CNDP1: variants seen among roughly 807,000 people sequenced by gnomAD.
CNDP1 encodes the protein beta-Ala-His dipeptidase.
In CNDP1, 44 loss-of-function variants were observed where a neutral mutation model predicts 58.1. The observed-to-expected ratio is 0.76, with a 90% CI of 0.60 to 0.97. The LOEUF (loss-of-function observed/expected upper bound fraction) is 0.97, where lower values mean the gene tolerates loss of function less well. Ranked by LOEUF, CNDP1 falls within the 50% of genes least tolerant of loss-of-function variation. The pLI is 0.00. For missense variants in CNDP1, 616 were observed against 655.1 expected (o/e 0.94, Z 0.65); for synonymous variants, 254 against 252.6 (o/e 1.01, Z -0.05).
Position 74,571,262 on chromosome 18 carries a change from C to G in CNDP1, c.833C>G (p.Ala278Gly). The change falls in exon 7 of 12, where the codon GCT (alanine) becomes GGT (glycine). Residue 278 changes from alanine (A) to glycine (G), a missense_variant. Transcript: ENST00000358821. The part of the protein sequence containing the change: ...ILHEPMADLV[A>G]LLGSLVDSSG... ...CATGAACCAATGGCTGATCTGGTTG[C>G]TCTTCTCGGTAATGCCTTATTTTGT... 1 of 1,608,364 alleles carries G rather than the reference C, an allele frequency of 6.2e-7. No individual in the cohort carries two copies. Among genetic ancestry groups the G allele is most frequent in the Non-Finnish European group, 8.5e-7 (1 of 1,174,860 alleles).
In CNDP1 at chr18:74,569,615, T is replaced by C. The variant is rs139812218; in HGVS notation, c.757-1571T>C. ...TTAAATTAGCGTGAGCACCGCATGG[T>C]CAGAGATAACCAGGTCCACACATGT... On this transcript the variant is annotated intron_variant, in intron 6 of 11. Coordinates refer to ENST00000358821, the MANE Select transcript of CNDP1 (RefSeq NM_032649.6). 6.5e-3 allele frequency among the ~76,000 whole-genome samples: 990 copies of C among 152,234 alleles called. 14 individuals carry two copies. Among genetic ancestry groups the C allele is most frequent in the African/African-American group, 0.023 (945 of 41,524 alleles).
chr18:74,584,530 G>A lies in CNDP1; in HGVS notation c.1492G>A (p.Ala498Thr). 4 of 1,613,868 alleles carry A rather than the reference G, an allele frequency of 2.5e-6. No homozygotes were observed. In the South Asian group the frequency reaches 4.4e-5, roughly 18 times the overall value. The change falls in exon 12 of 12, where the codon GCC becomes ACC. Residue 498 changes from alanine (A) to threonine (T), a missense_variant. Coordinates refer to ENST00000358821, the MANE Select transcript of CNDP1 (RefSeq NM_032649.6). ...NYIEGTKLFA[A>T]FFLEMAQLH ...CATAGAGGGAACCAAATTATTTGCT[G>A]CCTTTTTCTTAGAGATGGCCCAGCT... is the stretch of plus-strand genomic sequence containing the variant.
At chr18:74,542,029 T>A (rs994076061) in intron 1 of CNDP1, among the ~76,000 whole-genome samples, 12 of 152,166 alleles carry the variant, frequency 7.9e-5, no homozygotes, top group African/African-American at 2.9e-4. Flanking sequence ...CCCCTGTGCC[T>A]TCTAGGACTA....
At chr18:74,549,068 C>T (rs763698230) in intron 1 of CNDP1, among the ~76,000 whole-genome samples, 3 of 152,198 alleles carry the variant, frequency 2.0e-5, no homozygotes, top group African/African-American at 4.8e-5. Context: ...AGAATACTCA[C>T]CAGTGGCACT....
chr18:74,576,794 C>T, intron 7 of CNDP1, 75 bp from the exon 8 acceptor site: 2 of 1,410,156 alleles, frequency 1.4e-6, no homozygotes, highest in South Asian at 2.9e-5. Flanking sequence ...AGAGTCCTCC[C>T]ACAGTCTGGC....
Position 74,559,260 on chromosome 18 carries a change from C to G in CNDP1, c.154-63C>G, listed in dbSNP as rs543464906. On this transcript the variant is annotated intron_variant, in intron 2 of 11. Transcript: ENST00000358821. Reference sequence around the variant, plus strand: ...GACTCGCTGTCTCCTGCCCTCCCTTCGCTCCCCCCGCAGAGCAGATGTGGG... The same window carrying G: ...GACTCGCTGTCTCCTGCCCTCCCTTGGCTCCCCCCGCAGAGCAGATGTGGG... 3.2e-6 allele frequency: 5 copies of G among 1,566,208 alleles called. No individual in the cohort carries two copies. In the Admixed American group the frequency reaches 8.4e-5, roughly 26 times the overall value.
At position 74,556,484 on chromosome 18, in the gene CNDP1, C is replaced by T; in HGVS notation, c.153+18C>T. 1 of 1,613,148 alleles carries T rather than the reference C, an allele frequency of 6.2e-7. No individual in the cohort carries two copies. The highest frequency in any genetic ancestry group is 8.5e-7 in the Non-Finnish European group (1 of 1,179,236). On this transcript the variant is annotated intron_variant, in intron 2 of 11. Transcript: ENST00000358821. ...TTGTGCAGGTAGGAGAAAGAAACTA[C>T]ACAACTACACACAGAATGCTTGGAT...
chr18:74,562,172 G>A (rs368206421), intron 5 of CNDP1, 37 bp downstream of exon 5: 46 of 1,567,282 alleles, frequency 2.9e-5, no homozygotes, highest in Middle Eastern at 1.7e-4. Context: ...AGGAGGAGGA[G>A]GATGGTAACG....
chr18:74,552,718 C>G (rs1472729674), intron 1 of CNDP1, among the ~76,000 whole-genome samples: 2 of 152,210 alleles, frequency 1.3e-5, no homozygotes, highest in East Asian at 3.8e-4. Flanking sequence ...CTTTTGGCTA[C>G]TATGAATAAT....
At chr18:74,567,840 C>T (rs919837097) in intron 6 of CNDP1, among the ~76,000 whole-genome samples, 1 of 152,222 alleles carries the variant, frequency 6.6e-6, no homozygotes, top group Non-Finnish European at 1.5e-5. Context: ...CAGGAGACCC[C>T]AGTGCCGTGG....
intron 6 of CNDP1, among the ~76,000 whole-genome samples, chr18:74,569,086 G>T (rs1193534490): frequency 2.0e-5 from 3 of 152,170 alleles, no homozygotes; most frequent in Non-Finnish European, 4.4e-5. Flanking sequence ...GAGAACAGGT[G>T]GTACAGCAAC....
At chr18:74,574,239 G>A (rs989481780) in intron 7 of CNDP1, among the ~76,000 whole-genome samples, 23 of 152,248 alleles carry the variant, frequency 1.5e-4, no homozygotes, top group African/African-American at 4.1e-4. Flanking sequence ...GCTAGTGAGC[G>A]CCAGCTCTGT....
At chr18:74,573,237 T>C (rs1981533991) in intron 7 of CNDP1, among the ~76,000 whole-genome samples, 1 of 151,394 alleles carries the variant, frequency 6.6e-6, no homozygotes, top group South Asian at 2.1e-4. Context: ...TCCATCCAAC[T>C]ATCTGTCTAT....
intron 10 of CNDP1, among the ~76,000 whole-genome samples, chr18:74,582,562 G>A (rs1298586471): frequency 6.6e-6 from 1 of 152,182 alleles, no homozygotes; most frequent in South Asian, 2.1e-4. Context: ...TAGGGACATT[G>A]TCTTGTGTCG....
intron 7 of CNDP1, among the ~76,000 whole-genome samples, chr18:74,573,387 C>T (rs1981539606): frequency 1.4e-5 from 1 of 69,774 alleles, no homozygotes; most frequent in Non-Finnish European, 2.8e-5. Context: ...TCTATCCATT[C>T]ATCCATCCAT....
chr18:74,576,320 A>G (rs1568300038), intron 7 of CNDP1: 1 of 151,714 alleles, frequency 6.6e-6, no homozygotes, highest in Non-Finnish European at 1.5e-5. Flanking sequence ...ATGTGCCACC[A>G]TGCCCTGCTA....
At chr18:74,551,287 A>G (rs140724652) in intron 1 of CNDP1, among the ~76,000 whole-genome samples, 1,973 of 150,672 alleles carry the variant, frequency 0.013, 36 homozygotes, top group African/African-American at 0.043. Flanking sequence ...AAATTACCCC[A>G]CCACAGGCAT....
chr18:74,550,752 T>G (rs879470052), intron 1 of CNDP1, among the ~76,000 whole-genome samples: 35 of 150,752 alleles, frequency 2.3e-4, no homozygotes, highest in Middle Eastern at 3.4e-3. Flanking sequence ...ATTTTTTTTT[T>G]TTGTTTTTTG....
chr18:74,571,483 C>T (rs1981478619), intron 7 of CNDP1, among the ~76,000 whole-genome samples: 1 of 152,114 alleles, frequency 6.6e-6, no homozygotes, highest in South Asian at 2.1e-4. Context: ...TCAGTTCATC[C>T]ATTTTGTTTT....
Sources: allele counts gnomAD v4.1 joint callset (sites outside exome capture counted in the v4.1 genomes callset), GRCh38; gene constraint gnomAD v4.1.1; transcripts MANE v1.5; gene names NCBI Gene and HGNC (gene_info 2026-07-23, HGNC 2026-07-21).